Variants in DGKZ observed in about 807,000 individuals in gnomAD.
DGKZ encodes diacylglycerol kinase zeta, also known as DAG kinase zeta.
In DGKZ, 45 loss-of-function variants were observed where a neutral mutation model predicts 142.5. The observed-to-expected ratio is 0.32, with a 90% CI of 0.25 to 0.40. DGKZ has a LOEUF of 0.40. Ranked by LOEUF, DGKZ falls within the 10% of genes least tolerant of loss-of-function variation. The pLI is 1.00. For missense variants in DGKZ, 755 were observed against 1,306.5 expected (o/e 0.58, Z 6.51); for synonymous variants, 442 against 527.0 (o/e 0.84, Z 2.21).
intron 27 of DGKZ, 80 bp downstream of exon 27, chr11:46,378,580 A>C: frequency 6.3e-7 from 1 of 1,580,142 alleles, no homozygotes; most frequent in Non-Finnish European, 8.7e-7. Context: ...TTGGGCCAAG[A>C]GCTGACCTGC....
intron 6 of DGKZ, among the ~76,000 whole-genome samples, chr11:46,370,319 C>T (rs573107218): frequency 6.6e-6 from 1 of 152,346 alleles, no homozygotes; most frequent in African/African-American, 2.4e-5. Context: ...ACTTGTGTGC[C>T]GAGCGCCAAG....
In DGKZ at chr11:46,367,798, C is replaced by T. The variant is rs1356785507; in HGVS notation, c.366+51C>T. ...CCCCTGCTGGTGGAGCCAGTAGCCG[C>T]AGCCCTTCCGGGAACGTGGGATTGA... On this transcript the variant is annotated intron_variant, in intron 3 of 30. Transcript: ENST00000527911. The surrounding 1 kb of genome is among the most constrained non-coding windows in gnomAD (Gnocchi z 4.1). 6.2e-7 allele frequency: 1 copy of T among 1,605,668 alleles called. No individual in the cohort carries two copies.
chr11:46,371,201 G>A, intron 6 of DGKZ, 112 bp from the exon 7 acceptor site: 1 of 1,042,782 alleles, frequency 9.6e-7, no homozygotes, highest in Non-Finnish European at 1.4e-6. Flanking sequence ...AGACCAGCCT[G>A]GGCAACATAG....
intron 1 of DGKZ, among the ~76,000 whole-genome samples, chr11:46,362,298 CAG>C (rs748284486): frequency 1.9e-4 from 29 of 152,144 alleles, no homozygotes; most frequent in African/African-American, 5.5e-4. Flanking sequence ...GAGAGCAACT[CAG>C]GGGGCCAGGC....
chr11:46,341,483 G>C (rs61882675), intron 1 of DGKZ, among the ~76,000 whole-genome samples: 26 of 152,300 alleles, frequency 1.7e-4, no homozygotes, highest in African/African-American at 6.3e-4. Flanking sequence ...AATATTTGTC[G>C]TACAAATGAA....
chr11:46,353,057 A>G (rs1176981878), intron 1 of DGKZ, among the ~76,000 whole-genome samples: 1 of 152,172 alleles, frequency 6.6e-6, no homozygotes, highest in East Asian at 1.9e-4. Context: ...GGGGAGGGAG[A>G]GGCTGAAGAG....
rs545933533 is a variant in DGKZ at position 46,358,401 on chromosome 11, G to A, written c.162-8890G>A. ...TCTTAACTCGATGCAGTTGTAAGCTGTACTAGATGCTTTTTTTTTTAAGAA... is the reference window on the plus strand; with the variant it reads ...TCTTAACTCGATGCAGTTGTAAGCTATACTAGATGCTTTTTTTTTTAAGAA... On this transcript the variant is annotated intron_variant, in intron 1 of 30. Coordinates refer to ENST00000527911, the Ensembl canonical transcript of DGKZ. Among the ~76,000 whole-genome samples the A allele has an allele frequency of 2.7e-4, 41 of 152,212 alleles. No individual in the cohort carries two copies. The South Asian group carries it at 7.7e-3, about 28-fold the overall frequency.
At chr11:46,365,939 C>T in intron 1 of DGKZ, 1 of 985,376 alleles carries the variant, frequency 1.0e-6, no homozygotes, top group Non-Finnish European at 1.2e-6. Context: ...GAAGGGGTAG[C>T]CTGAAGCACC....
intron 14 of DGKZ, among the ~76,000 whole-genome samples, chr11:46,373,776 G>T (rs1334676519): frequency 2.0e-5 from 3 of 152,336 alleles, no homozygotes; most frequent in South Asian, 4.1e-4. Context: ...GGGATTACAG[G>T]CATGAGCCAC....
Position 46,374,926 on chromosome 11 carries a change from C to T in DGKZ, c.1599-8C>T, listed in dbSNP as rs749284621. On this transcript the variant is annotated splice_polypyrimidine_tract_variant and splice_region_variant and intron_variant, in intron 18 of 30. Transcript: ENST00000527911. ...TTTTGAGGCCCATGTCATCGCCCGC[C>T]TTTGCAGGTACTGTGCGGGCACCAT... 5.7e-6 allele frequency: 9 copies of T among 1,586,562 alleles called. No homozygotes were observed. The highest frequency in any genetic ancestry group is 7.7e-6 in the Non-Finnish European group (9 of 1,162,342).
chr11:46,372,708 CAGGG>C lies in DGKZ; in HGVS notation c.1071+32_1071+35del. The C allele has an allele frequency of 6.2e-7, 1 of 1,612,438 alleles. No individual in the cohort carries two copies. The highest frequency in any genetic ancestry group is 8.5e-7 in the Non-Finnish European group (1 of 1,179,486). ...CTCCCCGCATGGGCCAGCCGAGCAC[CAGGG>C]CTGGGCCTGAAGCCGGGGTCCCTGT... On this transcript the variant is annotated intron_variant, in intron 12 of 30. Coordinates refer to ENST00000527911, the Ensembl canonical transcript of DGKZ. This position sits in a 1 kb window ranked among gnomAD's most constrained non-coding sequence, Gnocchi z 5.9.
intron 18 of DGKZ, 22 bp from the exon 19 acceptor site, chr11:46,374,912 A>G (rs1944369299): frequency 6.3e-7 from 1 of 1,575,808 alleles, no homozygotes; most frequent in Non-Finnish European, 8.7e-7. Context: ...TTTGAGGCCC[A>G]TGTCATCGCC....
chr11:46,367,588 G>C lies in DGKZ; in HGVS notation c.271-64G>C. 1.2e-6 allele frequency: 1 copy of C among 859,204 alleles called. No homozygotes were observed. Among genetic ancestry groups the C allele is most frequent in the Non-Finnish European group, 1.7e-6 (1 of 603,404 alleles). The allele number at this position is 859,204 out of a possible 1,614,324, so 53.2% of individuals were successfully genotyped here. A position where few individuals can be genotyped will look rare whatever the true frequency, so the allele number is the denominator to read the frequency against. ...TTGTCTTGGGAGAGGGCGGGTGGGC[G>C]GGGGCTGATGGGAGGGAGGGCTGGG... On this transcript the variant is annotated intron_variant, in intron 2 of 30. Transcript: ENST00000527911. The surrounding 1 kb of genome is among the most constrained non-coding windows in gnomAD (Gnocchi z 4.1).
Position 46,375,399 on chromosome 11 carries a change from G to T in DGKZ, c.1711-33G>T, listed in dbSNP as rs1228751327. ...TGGGACCCCCCTGCCCCCAGCCCTG[G>T]TGCCATCTGACCCAAGCTTCCTGTG... On this transcript the variant is annotated intron_variant, in intron 19 of 30. Coordinates refer to ENST00000527911, the Ensembl canonical transcript of DGKZ. 1.9e-6 allele frequency: 3 copies of T among 1,543,296 alleles called. No individual in the cohort carries two copies. The South Asian group carries it at 3.6e-5, about 18-fold the overall frequency.
At chr11:46,371,086 CAAACAA>C (rs1468818218) in intron 6 of DGKZ, among the ~76,000 whole-genome samples, 1 of 152,098 alleles carries the variant, frequency 6.6e-6, no homozygotes, top group Admixed American at 6.6e-5. Context: ...ACTCCATCTC[CAAACAA>C]AAACAAAAAA....
chr11:46,376,769 C>A, intron 24 of DGKZ: 1 of 737,366 alleles, frequency 1.4e-6, no homozygotes. Context: ...GCCAGAAAGG[C>A]AGTGGGGTAC....
At chr11:46,337,003 AGAGT>A (rs1940048020) in intron 1 of DGKZ, among the ~76,000 whole-genome samples, 1 of 152,174 alleles carries the variant, frequency 6.6e-6, no homozygotes, top group African/African-American at 2.4e-5. Context: ...GCTGGGAGAT[AGAGT>A]GAGATCCTGT....
chr11:46,376,635 TC>T (rs1330597375), intron 24 of DGKZ, 71 bp downstream of exon 24: 1 of 1,590,764 alleles, frequency 6.3e-7, no homozygotes, highest in African/African-American at 1.3e-5. Context: ...TGGGACGCCT[TC>T]CCTGTTAGCT....
intron 14 of DGKZ, among the ~76,000 whole-genome samples, 160 bp from the exon 15 acceptor site, chr11:46,373,997 G>C (rs1342835337): frequency 6.6e-6 from 1 of 152,278 alleles, no homozygotes; most frequent in Non-Finnish European, 1.5e-5. Flanking sequence ...GAGCAGGGCT[G>C]TGCCTGACAG....
Sources: gnomAD v4.1 joint callset for allele counts (sites outside exome capture counted in the v4.1 genomes callset) on GRCh38, gnomAD v4.1.1 for gene constraint, Gnocchi (gnomAD v3.1) non-coding constraint, MANE v1.5 for transcripts, NCBI Gene and HGNC (gene_info 2026-07-23, HGNC 2026-07-21) for gene names.